Variants in TMPRSS11F observed in about 807,000 individuals in gnomAD.
TMPRSS11F encodes transmembrane serine protease 11F.
A neutral mutation model predicts 60.2 loss-of-function variants in TMPRSS11F; 47 were observed. The ratio of observed to expected loss-of-function variants is 0.78; its 90% CI spans 0.62 to 1.00. The LOEUF is 1.00. TMPRSS11F is among the 50% of genes least tolerant of loss of function. The pLI is 0.00. For synonymous variants in TMPRSS11F, 166 were observed against 167.3 expected (o/e 0.99, Z 0.06); for missense variants, 519 against 522.9 (o/e 0.99, Z 0.07).
chr4:68,093,487 G>C (rs1723995817), intron 2 of TMPRSS11F, among the ~76,000 whole-genome samples: 1 of 152,074 alleles, frequency 6.6e-6, no homozygotes, highest in South Asian at 2.1e-4. Context: ...CACAGGCATG[G>C]GCAAGGACTT....
In TMPRSS11F at chr4:68,068,742, C is replaced by G. The variant is rs766013677; in HGVS notation, c.631G>C (p.Glu211Gln). 1 of 1,614,208 alleles carries G rather than the reference C, an allele frequency of 6.2e-7. No individual in the cohort carries two copies. The highest frequency in any genetic ancestry group is 1.1e-5 in the South Asian group (1 of 91,090). Residue 211 changes from glutamate to glutamine, a missense_variant, in exon 7 of 10, where the codon GAA (glutamate) becomes CAA (glutamine). Transcript: ENST00000356291. ...SSTQRIVQGR[E>Q]TAMEGEWPWQ... ...GGCCATTCCCCTTCCATAGCTGTTT[C>G]CCTTCCTTGGACAATTCTTTGAGTA...
intron 1 of TMPRSS11F, among the ~76,000 whole-genome samples, chr4:68,112,067 C>T (rs1299000100): frequency 6.6e-6 from 1 of 152,122 alleles, no homozygotes; most frequent in African/African-American, 2.4e-5. Flanking sequence ...TTTTGGAAAG[C>T]CTTTGATACT....
intron 2 of TMPRSS11F, among the ~76,000 whole-genome samples, chr4:68,091,579 C>A (rs1266902481): frequency 2.0e-5 from 3 of 151,980 alleles, no homozygotes; most frequent in Non-Finnish European, 2.9e-5. Flanking sequence ...GTGAAATAAT[C>A]ATTTACTCCC....
chr4:68,055,582 A>C (rs1371250862), intron 9 of TMPRSS11F, among the ~76,000 whole-genome samples: 1 of 152,176 alleles, frequency 6.6e-6, no homozygotes, highest in African/African-American at 2.4e-5. Flanking sequence ...CAGTAATTAA[A>C]AAGTCTCCCA....
Position 68,120,376 on chromosome 4 carries a change from C to CTTTTT in TMPRSS11F, c.11+9429_11+9433dup, listed in dbSNP as rs34843345. Reference sequence around the variant, plus strand: ...ACAGCATCACATGCTACAGAGAAATCTTTTTTTTTTTTTTTTTTTTTTTTT... The same window carrying CTTTTT: ...ACAGCATCACATGCTACAGAGAAATCTTTTTTTTTTTTTTTTTTTTTTTTTTTTTT... On this transcript the variant is annotated intron_variant, in intron 1 of 9. Coordinates refer to ENST00000356291, the MANE Select transcript of TMPRSS11F (RefSeq NM_207407.2). Among the ~76,000 whole-genome samples, 64 of 123,788 alleles carry CTTTTT rather than the reference C, an allele frequency of 5.2e-4. 2 individuals carry two copies. Among genetic ancestry groups the CTTTTT allele is most frequent in the African/African-American group, 1.9e-3 (60 of 31,190 alleles). 81.2% of individuals were successfully genotyped at this position (123,788 alleles called of 152,430 possible).
In TMPRSS11F at chr4:68,129,814, A is replaced by G. The variant is rs753045325; in HGVS notation, c.7T>C (p.Tyr3His). 1 of 1,613,456 alleles carries G rather than the reference A, an allele frequency of 6.2e-7. No individual in the cohort carries two copies. Among genetic ancestry groups the G allele is most frequent in the South Asian group, 1.1e-5 (1 of 91,014 alleles). MM[Y>H]APVEFSEAEF... ...TGAGAAAAGCTGAATACTTACGCGT[A>G]CATCATGAACCCAGGACTGGGGCAG... Residue 3 changes from tyrosine to histidine, a missense_variant, in exon 1 of 10, where the codon TAC becomes CAC. Transcript: ENST00000356291.
At chr4:68,092,140 T>G (rs947639385) in intron 2 of TMPRSS11F, among the ~76,000 whole-genome samples, 13 of 152,140 alleles carry the variant, frequency 8.5e-5, no homozygotes, top group African/African-American at 2.9e-4. Flanking sequence ...ATTTTTTCAA[T>G]GTTGAAAACA....
In TMPRSS11F at chr4:68,054,010, T is replaced by C. The variant is rs1370722069; in HGVS notation, c.1216A>G (p.Ile406Val). ...GCACATGATTGTCCCCAACTTACTATACCTACAATGTACCAGATGTCATGA... is the reference window on the plus strand; with the variant it reads ...GCACATGATTGTCCCCAACTTACTACACCTACAATGTACCAGATGTCATGA... The part of the protein sequence containing the change: ...DNHDIWYIVG[I>V]VSWGQSCALP... Residue 406 changes from isoleucine to valine, a missense_variant, in exon 10 of 10, where the codon ATA becomes GTA. Physicochemically the swap from Ile to Val is conservative, Grantham distance 29 (BLOSUM62 3). Transcript: ENST00000356291. The C allele has an allele frequency of 6.2e-7, 1 of 1,613,458 alleles. No individual in the cohort carries two copies. Among genetic ancestry groups the C allele is most frequent in the Non-Finnish European group, 8.5e-7 (1 of 1,179,466 alleles).
At chr4:68,054,504 T>C (rs1305994707) in intron 9 of TMPRSS11F, among the ~76,000 whole-genome samples, 1 of 152,166 alleles carries the variant, frequency 6.6e-6, no homozygotes, top group Non-Finnish European at 1.5e-5. Context: ...TATTTCTAAT[T>C]AGTTTTCTTG....
At position 68,066,797 on chromosome 4, in the gene TMPRSS11F, G is replaced by A. The variant is rs546728738; in HGVS notation, c.755+1821C>T. 5.9e-5 allele frequency among the ~76,000 whole-genome samples: 9 copies of A among 152,088 alleles called. No individual in the cohort carries two copies. In the South Asian group the frequency reaches 6.2e-4, roughly 11 times the overall value. The stretch of plus-strand genomic sequence containing the variant: ...AAAAATAAAAAAATTAGCTGGGCGC[G>A]GTGGCGGGCGCTTGTAGTCCCAGCT... On this transcript the variant is annotated intron_variant, in intron 7 of 9. Transcript: ENST00000356291.
intron 2 of TMPRSS11F, among the ~76,000 whole-genome samples, chr4:68,096,601 C>A (rs1464529160): frequency 6.6e-6 from 1 of 152,120 alleles, no homozygotes; most frequent in Non-Finnish European, 1.5e-5. Flanking sequence ...ACTGATAAAT[C>A]AACCATATTC....
At chr4:68,070,385 C>T (rs755131207) in intron 5 of TMPRSS11F, among the ~76,000 whole-genome samples, 1 of 152,158 alleles carries the variant, frequency 6.6e-6, no homozygotes, top group Non-Finnish European at 1.5e-5. Flanking sequence ...GTTTACCAAC[C>T]TATATGGTTT....
At chr4:68,123,122 T>G (rs555455554) in intron 1 of TMPRSS11F, among the ~76,000 whole-genome samples, 1 of 152,374 alleles carries the variant, frequency 6.6e-6, no homozygotes, top group East Asian at 1.9e-4. Flanking sequence ...TCGTTATAAG[T>G]AATGTTTCAC....
At chr4:68,116,607 T>C (rs1334855082) in intron 1 of TMPRSS11F, among the ~76,000 whole-genome samples, 4 of 152,102 alleles carry the variant, frequency 2.6e-5, no homozygotes, top group African/African-American at 4.8e-5. Flanking sequence ...TACAAAGCCA[T>C]AGTAATCAAA....
At chr4:68,083,026 G>A (rs1219210791) in intron 3 of TMPRSS11F, among the ~76,000 whole-genome samples, 1 of 152,146 alleles carries the variant, frequency 6.6e-6, no homozygotes, top group African/African-American at 2.4e-5. Flanking sequence ...AGCTGGGCAG[G>A]CCCCACAGCT....
At chr4:68,125,924 TA>T (rs1724705621) in intron 1 of TMPRSS11F, among the ~76,000 whole-genome samples, 1 of 152,148 alleles carries the variant, frequency 6.6e-6, no homozygotes, top group Admixed American at 6.5e-5. Context: ...TTCCTGCAGA[TA>T]AACAAAAATA....
At chr4:68,074,052 T>G in intron 3 of TMPRSS11F, 43 bp from the exon 4 acceptor site, 1 of 1,202,366 alleles carries the variant, frequency 8.3e-7, no homozygotes. Context: ...AACTTAAAAG[T>G]AAAATAAAAA....
intron 1 of TMPRSS11F, among the ~76,000 whole-genome samples, chr4:68,120,947 C>T (rs890617979): frequency 1.3e-5 from 2 of 152,130 alleles, no homozygotes; most frequent in African/African-American, 4.8e-5. Context: ...TAATAGACCA[C>T]AGTATAGTGT....
chr4:68,101,348 A>G (rs976413054), intron 1 of TMPRSS11F, among the ~76,000 whole-genome samples: 7 of 152,144 alleles, frequency 4.6e-5, no homozygotes, highest in African/African-American at 1.7e-4. Flanking sequence ...GGTTTACCCT[A>G]ATTGTGGAAA....
Sources: gnomAD v4.1 joint callset for allele counts (sites outside exome capture counted in the v4.1 genomes callset) on GRCh38, gnomAD v4.1.1 for gene constraint, MANE v1.5 for transcripts, NCBI Gene and HGNC (gene_info 2026-07-23, HGNC 2026-07-21) for gene names.